ASCC3: variants seen among roughly 807,000 people sequenced by gnomAD.
ASCC3 encodes the protein activating signal cointegrator 1 complex subunit 3.
A neutral mutation model predicts 256.3 loss-of-function variants in ASCC3; 158 were observed. The observed-to-expected ratio is 0.62, with a 90% confidence interval of 0.54 to 0.70. The LOEUF (loss-of-function observed/expected upper bound fraction) is 0.70. Among genes scored for constraint, ASCC3 ranks in the 30% least tolerant of loss-of-function variants. The probability of loss-of-function intolerance (pLI) is 0.00; values close to 1 mark genes in which losing one functional copy is unlikely to be tolerated. For synonymous variants in ASCC3, 948 were observed against 883.4 expected, an observed-to-expected ratio of 1.07 and a Z score of -1.30; for missense variants, 2,259 against 2,626.0, an observed-to-expected ratio of 0.86 and a Z score of 3.05.
chr6:100,622,301 G>T (rs1255720394), intron 30 of ASCC3, among the ~76,000 whole-genome samples: 1 of 152,048 alleles, frequency 6.6e-6, no homozygotes. Context: ...GAATCATGGG[G>T]GCCGTTTCCC....
chr6:100,574,278 C>CT (rs534126621), intron 36 of ASCC3, among the ~76,000 whole-genome samples: 9 of 152,100 alleles, frequency 5.9e-5, no homozygotes, highest in African/African-American at 2.2e-4. Flanking sequence ...TGGGTGCAAC[C>CT]TTTTTATGTA....
intron 10 of ASCC3, among the ~76,000 whole-genome samples, chr6:100,726,224 T>C (rs1010459803): frequency 2.0e-5 from 3 of 151,904 alleles, no homozygotes; most frequent in African/African-American, 7.3e-5. Context: ...TTGAAAAACA[T>C]GCCCATATGT....
At chr6:100,715,203 C>A in intron 13 of ASCC3, 1 of 305,498 alleles carries the variant, frequency 3.3e-6, no homozygotes, top group Non-Finnish European at 6.0e-6. Context: ...TTCATGAAAA[C>A]AGTAAGAATA....
intron 2 of ASCC3, among the ~76,000 whole-genome samples, chr6:100,867,671 TAAC>T (rs1773542786): frequency 6.6e-6 from 1 of 152,048 alleles, no homozygotes; most frequent in African/African-American, 2.4e-5. Context: ...AAAAAAAAAT[TAAC>T]AAAGGATTCA....
At chr6:100,780,227 A>G (rs1782380351) in intron 8 of ASCC3, among the ~76,000 whole-genome samples, 1 of 152,200 alleles carries the variant, frequency 6.6e-6, no homozygotes. Flanking sequence ...TAGACTAGCC[A>G]TATTTTAATT....
intron 39 of ASCC3, among the ~76,000 whole-genome samples, chr6:100,513,917 T>A (rs1233795057): frequency 6.6e-6 from 1 of 152,056 alleles, no homozygotes; most frequent in Admixed American, 6.6e-5. Context: ...TGGCTTTTTT[T>A]TTTTTAATCA....
At chr6:100,647,171 A>G in intron 21 of ASCC3, 55 bp downstream of exon 21, 8 of 1,439,980 alleles carry the variant, frequency 5.6e-6, no homozygotes, top group Non-Finnish European at 7.8e-6. Flanking sequence ...TACACCCAGC[A>G]ACATATTTTA....
In ASCC3 at chr6:100,718,161, G is replaced by C; in HGVS notation, c.1993C>G (p.Pro665Ala). ...TCAAAGAAGAAAAGTCCAATGTATG[G>C]ATTAACATGTAAAAATGTGGCAACA... ...LDVATFLHVN[P>A]YIGLFFFDGR... The change falls in exon 12 of 42, where the codon CCA (proline) becomes GCA (alanine). Residue 665 changes from proline to alanine, a missense_variant. By Grantham distance (27) the Pro-to-Ala change is conservative. Coordinates refer to ENST00000369162, the MANE Select transcript of ASCC3 (RefSeq NM_006828.4). 6.2e-7 allele frequency: 1 copy of C among 1,613,638 alleles called. No homozygotes were observed. The highest frequency in any genetic ancestry group is 8.5e-7 in the Non-Finnish European group (1 of 1,179,744).
At chr6:100,511,395 A>G (rs1048753431) in intron 40 of ASCC3, among the ~76,000 whole-genome samples, 42 of 152,090 alleles carry the variant, frequency 2.8e-4, no homozygotes, top group African/African-American at 9.7e-4. Context: ...TCCAGCCTGG[A>G]TAACATAAGT....
At chr6:100,720,647 G>A (rs1238521378) in intron 11 of ASCC3, among the ~76,000 whole-genome samples, 2 of 151,528 alleles carry the variant, frequency 1.3e-5, no homozygotes, top group Non-Finnish European at 3.0e-5. Context: ...GACAGACAGC[G>A]CTTTAATATT....
At chr6:100,809,185 T>C (rs1464648617) in intron 4 of ASCC3, among the ~76,000 whole-genome samples, 5 of 151,178 alleles carry the variant, frequency 3.3e-5, no homozygotes, top group Non-Finnish European at 7.4e-5. Context: ...AAAAAAAAAA[T>C]AGTATTCACT....
intron 36 of ASCC3, among the ~76,000 whole-genome samples, chr6:100,551,964 T>C (rs891286388): frequency 6.6e-6 from 1 of 151,776 alleles, no homozygotes; most frequent in Non-Finnish European, 1.5e-5. Context: ...TGGGAATTGA[T>C]ACAATAGGTG....
At chr6:100,712,449 G>T (rs6916468) in intron 13 of ASCC3, among the ~76,000 whole-genome samples, 3 of 151,884 alleles carry the variant, frequency 2.0e-5, no homozygotes, top group African/African-American at 4.8e-5. Context: ...GGTTAAAAAT[G>T]GGCAAAAGAC....
intron 4 of ASCC3, among the ~76,000 whole-genome samples, chr6:100,842,942 T>C (rs1211209849): frequency 2.6e-5 from 4 of 152,068 alleles, no homozygotes; most frequent in Non-Finnish European, 5.9e-5. Flanking sequence ...GCCACTACAC[T>C]CCAGCCTGGG....
chr6:100,509,282 G>C lies in ASCC3; in HGVS notation c.*104C>G. ...TCAATTTCCTGGATGGTTGAGGTTA[G>C]AAGTTGATTCTTTCAAGGCAAACAT... On this transcript the variant is annotated 3_prime_UTR_variant, in exon 42 of 42. Coordinates refer to ENST00000369162, the MANE Select transcript of ASCC3 (RefSeq NM_006828.4). 1 of 1,482,810 alleles carries C rather than the reference G, an allele frequency of 6.7e-7. No individual in the cohort carries two copies. Among genetic ancestry groups the C allele is most frequent in the Non-Finnish European group, 9.4e-7 (1 of 1,065,000 alleles). The allele number at this position is 1,482,810 out of a possible 1,614,324, so 91.9% of individuals were successfully genotyped here. A position where few individuals can be genotyped will look rare whatever the true frequency, so the allele number is the denominator to read the frequency against.
At chr6:100,548,564 TGACA>T (rs1769113181) in intron 36 of ASCC3, among the ~76,000 whole-genome samples, 1 of 151,926 alleles carries the variant, frequency 6.6e-6, no homozygotes. Context: ...CTCCCTAGTG[TGACA>T]GACAGACATT....
At position 100,702,079 on chromosome 6, in the gene ASCC3, G is replaced by A. The variant is rs111270414; in HGVS notation, c.2151+13383C>T. Among the ~76,000 whole-genome samples the A allele has an allele frequency of 2.2e-3, 333 of 152,246 alleles. 1 individual carries two copies. The highest frequency in any genetic ancestry group is 3.6e-3 in the Non-Finnish European group (248 of 68,022). On this transcript the variant is annotated intron_variant, in intron 13 of 41. Coordinates refer to ENST00000369162, the MANE Select transcript of ASCC3 (RefSeq NM_006828.4). ...ACTGGAACCGTGTTTTGAAAGCCAG[G>A]TCTAGCTAGCTGCTATGTACAGTCT...
At chr6:100,691,077 G>A (rs986584069) in intron 13 of ASCC3, among the ~76,000 whole-genome samples, 17 of 152,066 alleles carry the variant, frequency 1.1e-4, no homozygotes, top group African/African-American at 3.9e-4. Flanking sequence ...AAAGATATCT[G>A]TATTAAAAAG....
At chr6:100,592,140 CA>C (rs1201793563) in intron 34 of ASCC3, among the ~76,000 whole-genome samples, 4,256 of 115,770 alleles carry the variant, frequency 0.037, 90 homozygotes, top group African/African-American at 0.083. Context: ...AGTAAGTCAC[CA>C]AAAAAAAAAA....
Sources: gnomAD v4.1 joint callset for allele counts (sites outside exome capture counted in the v4.1 genomes callset) on GRCh38, gnomAD v4.1.1 for gene constraint, MANE v1.5 for transcripts, NCBI Gene and HGNC (gene_info 2026-07-23, HGNC 2026-07-21) for gene names.